Variants in OSBPL1A observed in about 807,000 individuals in gnomAD.
OSBPL1A encodes the protein oxysterol-binding protein-related protein 1.
Under a neutral mutation model 137.1 loss-of-function variants are expected in OSBPL1A, and 80 were observed. The ratio of observed to expected loss-of-function variants is 0.58; its 90% CI spans 0.49 to 0.70. The LOEUF (loss-of-function observed/expected upper bound fraction) is 0.70, where lower values mean the gene tolerates loss of function less well. Among genes scored for constraint, OSBPL1A ranks in the 30% least tolerant of loss-of-function variants. The probability of loss-of-function intolerance (pLI) is 0.00; values close to 1 mark genes in which losing one functional copy is unlikely to be tolerated. For missense variants in OSBPL1A, 970 were observed against 1,129.4 expected (o/e 0.86, Z 2.02); for synonymous variants, 365 against 389.7 (o/e 0.94, Z 0.75).
intron 17 of OSBPL1A, among the ~76,000 whole-genome samples, chr18:24,216,819 C>A (rs547785970): frequency 6.6e-6 from 1 of 151,930 alleles, no homozygotes; most frequent in South Asian, 2.1e-4. Context: ...CTACAAACAA[C>A]GGTCAATGCA....
At chr18:24,238,739 C>G (rs2088580735) in intron 16 of OSBPL1A, among the ~76,000 whole-genome samples, 1 of 152,180 alleles carries the variant, frequency 6.6e-6, no homozygotes, top group South Asian at 2.1e-4. Flanking sequence ...AGTTAAACAC[C>G]TCCTCTTCTC....
intron 26 of OSBPL1A, among the ~76,000 whole-genome samples, chr18:24,166,046 G>A (rs1235940569): frequency 9.9e-5 from 15 of 152,090 alleles, no homozygotes; most frequent in East Asian, 3.8e-4. Context: ...GCAGTGAGCC[G>A]AGATTGCGCC....
At chr18:24,272,120 C>T (rs2089738490) in intron 15 of OSBPL1A, 1 of 983,598 alleles carries the variant, frequency 1.0e-6, no homozygotes, top group African/African-American at 1.8e-5. Flanking sequence ...CACGGCCCTC[C>T]GAGGAGAGGT....
intron 18 of OSBPL1A, among the ~76,000 whole-genome samples, chr18:24,187,824 G>C (rs974300920): frequency 2.0e-5 from 3 of 152,184 alleles, no homozygotes; most frequent in African/African-American, 7.2e-5. Flanking sequence ...GTGAGGGACA[G>C]GGTGCTGCCC....
chr18:24,333,632 T>G (rs1325505469), intron 6 of OSBPL1A, among the ~76,000 whole-genome samples: 1 of 152,234 alleles, frequency 6.6e-6, no homozygotes, highest in Non-Finnish European at 1.5e-5. Context: ...TGAAATAACT[T>G]TAAAGCAAAT....
intron 23 of OSBPL1A, among the ~76,000 whole-genome samples, chr18:24,170,874 C>T (rs2086262971): frequency 6.6e-6 from 1 of 152,110 alleles, no homozygotes; most frequent in Non-Finnish European, 1.5e-5. Flanking sequence ...TGGTCTCGAA[C>T]TGGCTGCAAG....
chr18:24,315,630 T>C (rs1051633128), intron 11 of OSBPL1A, among the ~76,000 whole-genome samples: 42 of 77,354 alleles, frequency 5.4e-4, no homozygotes, highest in African/African-American at 1.8e-3. Context: ...TAATTAATTA[T>C]ATATATTATA....
intron 4 of OSBPL1A, among the ~76,000 whole-genome samples, chr18:24,342,402 GA>G (rs1426465829): frequency 5.3e-5 from 8 of 152,134 alleles, no homozygotes; most frequent in Non-Finnish European, 7.3e-5. Context: ...TTTGATGTTT[GA>G]TTATCTTATG....
At chr18:24,342,434 G>C (rs2091286861) in intron 4 of OSBPL1A, among the ~76,000 whole-genome samples, 1 of 152,098 alleles carries the variant, frequency 6.6e-6, no homozygotes. Flanking sequence ...CCTAGGGAGG[G>C]GATGATGGCA....
chr18:24,390,353 G>C (rs1907244685), intron 1 of OSBPL1A, among the ~76,000 whole-genome samples: 2 of 152,144 alleles, frequency 1.3e-5, no homozygotes, highest in Admixed American at 1.3e-4. Flanking sequence ...ATTGACAGAT[G>C]AATGGAAAAA....
chr18:24,276,186 G>A (rs573340985), intron 15 of OSBPL1A, among the ~76,000 whole-genome samples: 36 of 152,276 alleles, frequency 2.4e-4, no homozygotes, highest in Admixed American at 1.1e-3. Context: ...AAGCTCGATA[G>A]TACACAAAAT....
chr18:24,376,746 G>A (rs1461927002), intron 2 of OSBPL1A, among the ~76,000 whole-genome samples: 2 of 152,242 alleles, frequency 1.3e-5, no homozygotes, highest in Non-Finnish European at 2.9e-5. Flanking sequence ...GCTAAGGCCC[G>A]GTGAGAGATC....
intron 15 of OSBPL1A, among the ~76,000 whole-genome samples, chr18:24,274,630 A>C (rs150811911): frequency 3.4e-4 from 52 of 152,322 alleles, no homozygotes; most frequent in African/African-American, 1.1e-3. Context: ...GGCTGAGGCC[A>C]GGCGTGGTGG....
At position 24,171,482 on chromosome 18, in the gene OSBPL1A, C is replaced by T; in HGVS notation, c.2218G>A (p.Val740Met). 4 of 1,613,264 alleles carry T rather than the reference C, an allele frequency of 2.5e-6. No homozygotes were observed. In the South Asian group the frequency reaches 3.3e-5, roughly 13 times the overall value. ...AGGCCACATGGCTTAAAATTCAACA[C>T]ACATTTGTCCCCAGTCCTATAAAGA... ...IINHKTGDKC[V>M]LNFKPCGLFG... is the part of the protein sequence containing the mutation. The change falls in exon 23 of 28, where the codon GTG becomes ATG. Residue 740 changes from valine (V) to methionine (M), a missense_variant. Coordinates refer to ENST00000319481, the MANE Select transcript of OSBPL1A (RefSeq NM_080597.4).
intron 15 of OSBPL1A, among the ~76,000 whole-genome samples, chr18:24,241,836 T>C (rs531887788): frequency 2.4e-4 from 37 of 152,312 alleles, no homozygotes; most frequent in East Asian, 7.7e-4. Flanking sequence ...CATATGTTTA[T>C]TGCAGCACTA....
chr18:24,196,026 T>C (rs1893606752), intron 18 of OSBPL1A, 99 bp downstream of exon 18: 1 of 913,954 alleles, frequency 1.1e-6, no homozygotes, highest in Non-Finnish European at 1.7e-6. Context: ...CCATAAACGT[T>C]GTCGTGCACC....
chr18:24,333,259 TTCTCAGATGCCCTGAGATAGA>T (rs746403687), intron 6 of OSBPL1A, among the ~76,000 whole-genome samples, 173 bp from the exon 7 acceptor site: 2 of 152,230 alleles, frequency 1.3e-5, no homozygotes, highest in Non-Finnish European at 2.9e-5. Flanking sequence ...CCCATGCTTA[TTCTCAGATGCCCTGAGATAGA>T]TCTCAGGCCT....
chr18:24,248,825 G>A (rs1003509993), intron 15 of OSBPL1A, among the ~76,000 whole-genome samples: 2 of 152,168 alleles, frequency 1.3e-5, no homozygotes, highest in African/African-American at 2.4e-5. Flanking sequence ...TATAAACCCA[G>A]AATATTTGAC....
At chr18:24,394,991 C>T (rs962760877) in intron 1 of OSBPL1A, among the ~76,000 whole-genome samples, 2 of 152,194 alleles carry the variant, frequency 1.3e-5, no homozygotes, top group African/African-American at 4.8e-5. Context: ...GCAGAGGCCA[C>T]GTGAGGAAAA....
Sources: gnomAD v4.1 joint callset for allele counts (sites outside exome capture counted in the v4.1 genomes callset) on GRCh38, gnomAD v4.1.1 for gene constraint, MANE v1.5 for transcripts, NCBI Gene and HGNC (gene_info 2026-07-23, HGNC 2026-07-21) for gene names.